The following SLC23A2 variants were observed in gnomAD, a reference collection of about 807,000 sequenced individuals.
SLC23A2 encodes solute carrier family 23 member 2.
In SLC23A2, 36 loss-of-function variants were observed where a neutral mutation model predicts 73.3. The observed-to-expected ratio is 0.49, with a 90% CI of 0.38 to 0.65. The LOEUF is 0.65. SLC23A2 is among the 30% of genes least tolerant of loss of function. SLC23A2 has a pLI of 0.00. For synonymous variants in SLC23A2, 343 were observed against 327.3 expected (o/e 1.05, Z -0.52); for missense variants, 507 against 841.6 (o/e 0.60, Z 4.92).
intron 1 of SLC23A2, among the ~76,000 whole-genome samples, chr20:4,986,689 C>CACACACACACAGAGAG (rs71197739): frequency 2.4e-4 from 31 of 129,954 alleles, no homozygotes; most frequent in African/African-American, 7.5e-4. Flanking sequence ...CACACACACA[C>CACACACACACAGAGAG]AGAGATGAAT....
rs748404074 is a variant in SLC23A2, at chr20:4,993,414, A to AAAAAAAC, written c.-282+7991_-282+7992insGTTTTTT. Among the ~76,000 whole-genome samples, 1,327 of 151,528 alleles carry AAAAAAAC rather than the reference A, an allele frequency of 8.8e-3. 20 individuals are homozygous for AAAAAAAC. The highest frequency in any genetic ancestry group is 0.017 in the Middle Eastern group (5 of 294). On this transcript the variant is annotated intron_variant, in intron 1 of 16. Transcript: ENST00000338244. ...AGTGCAAATATGCCAAAATCCGAAA[A>AAAAAAAC]AAAAAAAAGAAAAAAAGAAACCCAA...
At chr20:4,980,094 T>C (rs2122261333) in intron 1 of SLC23A2, among the ~76,000 whole-genome samples, 1 of 152,294 alleles carries the variant, frequency 6.6e-6, no homozygotes, top group East Asian at 1.9e-4. Context: ...ATTCCATTCT[T>C]CACTCAAATT....
intron 1 of SLC23A2, among the ~76,000 whole-genome samples, chr20:4,986,763 C>T (rs1039464709): frequency 2.7e-5 from 4 of 149,248 alleles, no homozygotes; most frequent in Admixed American, 6.7e-5. Context: ...AGCAGTTGAC[C>T]GTATTCAAGA....
chr20:4,985,688 TC>T (rs1350510040), intron 1 of SLC23A2, among the ~76,000 whole-genome samples: 1 of 152,052 alleles, frequency 6.6e-6, no homozygotes, highest in Non-Finnish European at 1.5e-5. Context: ...GCTCAGGTGA[TC>T]CCCCCACCTT....
chr20:5,006,974 T>C lies in SLC23A2; in HGVS notation c.-282+3208A>G, dbSNP rs1051056297. Among the ~76,000 whole-genome samples, 717 of 140,218 alleles carry C rather than the reference T, an allele frequency of 5.1e-3. 4 individuals are homozygous for C. Among genetic ancestry groups the C allele is most frequent in the African/African-American group, 0.018 (645 of 36,812 alleles). The allele number at this position is 140,218 out of a possible 152,430, so 92.0% of individuals were successfully genotyped here. On this transcript the variant is annotated intron_variant, in intron 1 of 16. Transcript: ENST00000379333. The stretch of plus-strand genomic sequence containing the variant: ...GTGTGTGTGTGTGTGTGTGTGTGTG[T>C]GTGCGTGCGTGCGTGTTCAATGATG...
intron 2 of SLC23A2, among the ~76,000 whole-genome samples, chr20:4,965,134 C>T (rs1354590494): frequency 6.6e-6 from 1 of 152,090 alleles, no homozygotes; most frequent in African/African-American, 2.4e-5. Context: ...AGAAAAAACA[C>T]CCTATTGATA....
At chr20:4,911,859 T>C (rs1932161311) in intron 4 of SLC23A2, among the ~76,000 whole-genome samples, 2 of 151,740 alleles carry the variant, frequency 1.3e-5, no homozygotes, top group African/African-American at 4.8e-5. Context: ...TTTATTTTTT[T>C]TAGAGACAGG....
intron 2 of SLC23A2, among the ~76,000 whole-genome samples, chr20:4,933,462 AT>A (rs1377614289): frequency 4.6e-5 from 7 of 150,872 alleles, no homozygotes; most frequent in East Asian, 1.9e-4. Flanking sequence ...AAAAAAAAAA[AT>A]AATAATAATA....
intron 2 of SLC23A2, among the ~76,000 whole-genome samples, chr20:4,952,180 A>C (rs1421782649): frequency 6.6e-6 from 1 of 152,052 alleles, no homozygotes; most frequent in Admixed American, 6.6e-5. Flanking sequence ...TAGACTAAAA[A>C]ACTATTCTGA....
intron 1 of SLC23A2, among the ~76,000 whole-genome samples, chr20:4,981,184 A>C (rs1374899737): frequency 1.3e-5 from 2 of 152,358 alleles, no homozygotes; most frequent in East Asian, 3.9e-4. Context: ...TGCATAGACC[A>C]GGGACAACCC....
At chr20:4,889,071 G>A (rs1931215176) in intron 6 of SLC23A2, among the ~76,000 whole-genome samples, 1 of 152,156 alleles carries the variant, frequency 6.6e-6, no homozygotes, top group African/African-American at 2.4e-5. Flanking sequence ...CAGATACGAC[G>A]ATGGAAAACA....
intron 11 of SLC23A2, among the ~76,000 whole-genome samples, chr20:4,873,592 C>T (rs1335445800): frequency 6.6e-6 from 1 of 152,238 alleles, no homozygotes; most frequent in Non-Finnish European, 1.5e-5. Context: ...ACTTTGGCAG[C>T]TCTGGGACCA....
chr20:4,978,868 G>A (rs905827160), intron 1 of SLC23A2, among the ~76,000 whole-genome samples: 1 of 152,088 alleles, frequency 6.6e-6, no homozygotes, highest in African/African-American at 2.4e-5. Context: ...GAATACAAAC[G>A]GATGCCGATT....
In SLC23A2 at chr20:4,863,130, C is replaced by T. The variant is rs1930045716; in HGVS notation, c.1357-223G>A. Among the ~76,000 whole-genome samples, 1 of 152,180 alleles carries T rather than the reference C, an allele frequency of 6.6e-6. No individual in the cohort carries two copies. Reference sequence around the variant, plus strand: ...GCACTCAGGCCTCAGGGCTCTACTGCCCTGGCACAGTCATGGGTTGGGATG... The same window carrying T: ...GCACTCAGGCCTCAGGGCTCTACTGTCCTGGCACAGTCATGGGTTGGGATG... On this transcript the variant is annotated intron_variant, in intron 13 of 16. Coordinates refer to ENST00000338244, the MANE Select transcript of SLC23A2 (RefSeq NM_005116.6). This position sits in a 1 kb window ranked among gnomAD's most constrained non-coding sequence, Gnocchi z 4.8.
chr20:4,869,826 G>A, intron 12 of SLC23A2, 80 bp downstream of exon 12: 1 of 1,333,944 alleles, frequency 7.5e-7, no homozygotes, highest in South Asian at 1.4e-5. Context: ...TCTTGGTTTT[G>A]TCTTCAAGGT....
chr20:4,983,887 C>G (rs958333552), intron 1 of SLC23A2, among the ~76,000 whole-genome samples: 3 of 150,454 alleles, frequency 2.0e-5, no homozygotes, highest in Non-Finnish European at 4.4e-5. Flanking sequence ...ACCCGGGAGG[C>G]GGAGGTTGCA....
intron 6 of SLC23A2, 75 bp from the exon 7 acceptor site, chr20:4,885,984 C>T: frequency 1.1e-6 from 1 of 882,572 alleles, no homozygotes; most frequent in Non-Finnish European, 1.8e-6. Context: ...GACAGCTTAA[C>T]AGTCTTTTCC....
intron 1 of SLC23A2, among the ~76,000 whole-genome samples, chr20:4,983,600 C>A (rs113127567): frequency 6.0e-5 from 9 of 149,258 alleles, no homozygotes; most frequent in Non-Finnish European, 1.0e-4. Context: ...GAGCCGAGAC[C>A]GCGCCACTGC....
At chr20:4,870,463 A>G (rs1745587535) in intron 11 of SLC23A2, among the ~76,000 whole-genome samples, 2 of 151,902 alleles carry the variant, frequency 1.3e-5, no homozygotes, top group Non-Finnish European at 2.9e-5. Context: ...TGTAATTCCA[A>G]CTACTCGGGA....
Sources: gnomAD v4.1 joint callset for allele counts (sites outside exome capture counted in the v4.1 genomes callset) on GRCh38, gnomAD v4.1.1 for gene constraint, Gnocchi (gnomAD v3.1) non-coding constraint, MANE v1.5 for transcripts, NCBI Gene and HGNC (gene_info 2026-07-23, HGNC 2026-07-21) for gene names.